Variants in GRHL2 observed in about 807,000 individuals in gnomAD.
GRHL2 encodes the protein grainyhead like transcription factor 2, also known as grainyhead-like protein 2 homolog.
Under a neutral mutation model 83.8 loss-of-function variants are expected in GRHL2, and 21 were observed. That is an observed-to-expected ratio of 0.25 (90% CI 0.18 to 0.36). The LOEUF (loss-of-function observed/expected upper bound fraction) is 0.36, where lower values mean the gene tolerates loss of function less well. GRHL2 is among the 10% of genes least tolerant of loss of function. GRHL2 has a pLI of 1.00. For synonymous variants in GRHL2, 280 were observed against 278.9 expected, an observed-to-expected ratio of 1.00 and a Z score of -0.04; for missense variants, 623 against 781.8, an observed-to-expected ratio of 0.80 and a Z score of 2.42.
intron 4 of GRHL2, among the ~76,000 whole-genome samples, chr8:101,569,530 C>T (rs775441573): frequency 2.0e-5 from 3 of 152,172 alleles, no homozygotes; most frequent in African/African-American, 7.2e-5. Flanking sequence ...TCTGAAGTGA[C>T]GTGATCGTAG....
intron 8 of GRHL2, among the ~76,000 whole-genome samples, chr8:101,607,374 A>G (rs1812652559): frequency 6.6e-6 from 1 of 152,072 alleles, no homozygotes; most frequent in African/African-American, 2.4e-5. Context: ...AGGAGACTAC[A>G]CTCCTGAGTG....
intron 1 of GRHL2, among the ~76,000 whole-genome samples, chr8:101,531,222 CAAA>C (rs34027383): frequency 0.013 from 1,733 of 131,848 alleles, 31 homozygotes; most frequent in African/African-American, 0.042. Context: ...GACCTTATCT[CAAA>C]AAAAAAAAAA....
At chr8:101,580,790 G>A (rs746064112) in intron 7 of GRHL2, among the ~76,000 whole-genome samples, 3 of 152,118 alleles carry the variant, frequency 2.0e-5, no homozygotes, top group East Asian at 1.9e-4. Flanking sequence ...TGCAGCCTCC[G>A]ACTCCCTGGT....
chr8:101,509,157 C>CTTTCTTTTTCTTTCTTTCTTTTCT (rs1554581566), intron 1 of GRHL2, among the ~76,000 whole-genome samples: 5 of 27,402 alleles, frequency 1.8e-4, no homozygotes, highest in Non-Finnish European at 3.2e-4. Flanking sequence ...TTCCTTCCTT[C>CTTTCTTTTTCTTTCTTTCTTTTCT]CTTTCTTTCT....
intron 1 of GRHL2, among the ~76,000 whole-genome samples, chr8:101,537,900 G>T (rs1363881745): frequency 2.0e-5 from 3 of 152,022 alleles, no homozygotes; most frequent in African/African-American, 4.8e-5. Flanking sequence ...TTTTTCCTTT[G>T]TTATTTTCTT....
downstream of GRHL2, among the ~76,000 whole-genome samples, chr8:101,674,723 C>A (rs142810345): frequency 0.04 from 6,095 of 152,248 alleles, 168 homozygotes; most frequent in South Asian, 0.089. Flanking sequence ...CCAGCATCAT[C>A]CTGATACAAA....
At chr8:101,539,381 C>A (rs571348267) in intron 1 of GRHL2, among the ~76,000 whole-genome samples, 1 of 152,234 alleles carries the variant, frequency 6.6e-6, no homozygotes, top group African/African-American at 2.4e-5. Flanking sequence ...TCATGGGCAA[C>A]GACTGAGGTT....
Position 101,632,333 on chromosome 8 carries a change from G to A in GRHL2, c.1453G>A (p.Val485Ile), listed in dbSNP as rs1419186366. The A allele has an allele frequency of 1.9e-6, 3 of 1,613,848 alleles. No homozygotes were observed. Among genetic ancestry groups the A allele is most frequent in the African/African-American group, 2.7e-5 (2 of 74,898 alleles). Residue 485 changes from valine (V) to isoleucine (I), a missense_variant, in exon 11 of 16, where the codon GTT (valine) becomes ATT (isoleucine). By Grantham distance (29) the Val-to-Ile change is conservative. This residue lies in a region of GRHL2 where 210 missense variants were observed against 254.8 expected (regional missense o/e 0.82). Transcript: ENST00000646743. ...HSQPVLFIPD[V>I]HFANLQRTGQ... Reference sequence around the variant, plus strand: ...ACAGCCAGTTCTCTTCATACCTGATGTTCACTTTGCAAACCTGCAGAGGAC... The same window carrying A: ...ACAGCCAGTTCTCTTCATACCTGATATTCACTTTGCAAACCTGCAGAGGAC...
At chr8:101,564,856 AATTTGATCTAT>A (rs1227511315) in intron 4 of GRHL2, among the ~76,000 whole-genome samples, 1 of 150,476 alleles carries the variant, frequency 6.6e-6, no homozygotes, top group Non-Finnish European at 1.5e-5. Flanking sequence ...AATTTTAGCT[AATTTGATCTAT>A]ATTTTATTCC....
intron 8 of GRHL2, among the ~76,000 whole-genome samples, chr8:101,601,589 A>G (rs572503230): frequency 1.3e-5 from 2 of 152,350 alleles, no homozygotes; most frequent in Admixed American, 6.5e-5. Context: ...TGCTCAGAGC[A>G]GTCAAGTTTA....
At position 101,571,057 on chromosome 8, in the gene GRHL2, C is replaced by T. The variant is rs1295578048; in HGVS notation, c.734+663C>T. ...GGGTTGGGGATAAGATATAATCTCT[C>T]CTTACAAGAGGTCCACACTTTTGGA... On this transcript the variant is annotated intron_variant, in intron 5 of 15. Coordinates refer to ENST00000646743, the MANE Select transcript of GRHL2 (RefSeq NM_024915.4). Among the ~76,000 whole-genome samples the T allele has an allele frequency of 5.3e-5, 8 of 152,224 alleles. No individual in the cohort carries two copies. In the East Asian group the frequency reaches 5.8e-4, roughly 11 times the overall value.
In GRHL2 at chr8:101,664,536, C is replaced by G. The variant is rs758362384; in HGVS notation, c.1763+18C>G. 2.6e-6 allele frequency: 4 copies of G among 1,550,102 alleles called. No individual in the cohort carries two copies. In the Admixed American group the frequency reaches 5.0e-5, roughly 19 times the overall value. On this transcript the variant is annotated intron_variant, in intron 15 of 15. Transcript: ENST00000646743. ...AAAAAAGGGTAAGAAAGAAACTGAA[C>G]TTAAATTGACTTTCAAATCAGATAA...
chr8:101,660,246 A>G (rs1586179461), intron 14 of GRHL2, among the ~76,000 whole-genome samples: 1 of 152,084 alleles, frequency 6.6e-6, no homozygotes, highest in African/African-American at 2.4e-5. Context: ...TTCTCCGTCA[A>G]TAGTGCTTTT....
intron 1 of GRHL2, among the ~76,000 whole-genome samples, chr8:101,512,723 C>T (rs1453025105): frequency 3.9e-5 from 6 of 152,172 alleles, no homozygotes; most frequent in African/African-American, 9.7e-5. Context: ...TCTTTTATTA[C>T]GCTGGTCGGG....
chr8:101,628,613 G>C (rs1360823643), intron 9 of GRHL2, among the ~76,000 whole-genome samples: 13 of 152,102 alleles, frequency 8.5e-5, no homozygotes, highest in Admixed American at 8.5e-4. Context: ...TGCTGGTGTA[G>C]ATAGGGATTC....
At chr8:101,660,112 G>C (rs992637433) in intron 14 of GRHL2, among the ~76,000 whole-genome samples, 4 of 152,016 alleles carry the variant, frequency 2.6e-5, no homozygotes, top group African/African-American at 9.7e-5. Flanking sequence ...CACAATAATT[G>C]CATTTTCATT....
intron 4 of GRHL2, among the ~76,000 whole-genome samples, chr8:101,562,973 C>A (rs775947954): frequency 5.4e-4 from 82 of 152,128 alleles, no homozygotes; most frequent in Non-Finnish European, 2.5e-4. Context: ...AATGCAGCTG[C>A]CTGAGCTTGA....
intron 1 of GRHL2, among the ~76,000 whole-genome samples, chr8:101,511,840 C>T (rs1291086055): frequency 3.3e-5 from 5 of 152,058 alleles, no homozygotes; most frequent in African/African-American, 7.2e-5. Context: ...CTTTGATCCA[C>T]CTGAAATTTA....
chr8:101,670,998 C>A (rs887047156), downstream of GRHL2, among the ~76,000 whole-genome samples: 2 of 152,076 alleles, frequency 1.3e-5, no homozygotes, highest in Non-Finnish European at 2.9e-5. Context: ...CCAGAAGCAG[C>A]AAGAAAGAGG....
Sources: allele counts gnomAD v4.1 joint callset (sites outside exome capture counted in the v4.1 genomes callset), GRCh38; gene constraint gnomAD v4.1.1; regional missense constraint gnomAD v4.1.1; transcripts MANE v1.5; gene names NCBI Gene and HGNC (gene_info 2026-07-23, HGNC 2026-07-21).